The following EMSY variants were observed in gnomAD, a reference collection of about 807,000 sequenced individuals.
EMSY encodes EMSY transcriptional repressor, BRCA2 interacting.
EMSY carries 26 observed loss-of-function variants against 134.6 expected under a neutral mutation model. That is an observed-to-expected ratio of 0.19 (90% CI 0.14 to 0.27). The LOEUF (loss-of-function observed/expected upper bound fraction) is 0.27, where lower values mean the gene tolerates loss of function less well. Among genes scored for constraint, EMSY ranks in the 10% least tolerant of loss-of-function variants. EMSY has a pLI of 1.00. For missense variants in EMSY, 1,305 were observed against 1,611.4 expected (o/e 0.81, Z 3.26); for synonymous variants, 579 against 577.8 (o/e 1.00, Z -0.03).
chr11:76,489,999 T>A (rs1949355558), intron 8 of EMSY, among the ~76,000 whole-genome samples: 1 of 152,194 alleles, frequency 6.6e-6, no homozygotes, highest in South Asian at 2.1e-4. Context: ...TAGTTAGGTC[T>A]TTTCTCTCAG....
At chr11:76,528,143 C>T (rs1950909309) in intron 13 of EMSY, 125 bp from the exon 15 acceptor site, 1 of 785,314 alleles carries the variant, frequency 1.3e-6, no homozygotes, top group Admixed American at 2.8e-5. Context: ...CAATGCTGTG[C>T]CTAAAAAGTA....
intron 7 of EMSY, among the ~76,000 whole-genome samples, chr11:76,466,839 ATCTGTTCAC>A (rs1025233517): frequency 3.9e-5 from 6 of 152,206 alleles, no homozygotes; most frequent in Admixed American, 1.3e-4. Context: ...GTCTTTCTAA[ATCTGTTCAC>A]TCATTTATGA....
exon 1 of EMSY, chr11:76,445,079 C>T (rs1158110933): frequency 6.5e-6 from 1 of 153,052 alleles, no homozygotes; most frequent in Non-Finnish European, 1.5e-5. Flanking sequence ...CCTGGTGTCC[C>T]CTAGTCTTGG....
chr11:76,463,307 A>G (rs1948203345), intron 6 of EMSY, among the ~76,000 whole-genome samples: 7 of 149,914 alleles, frequency 4.7e-5, no homozygotes, highest in Admixed American at 4.6e-4. Context: ...TGGGCGACAG[A>G]GTGAGACTTT....
intron 9 of EMSY, among the ~76,000 whole-genome samples, chr11:76,510,765 T>C (rs1210334300): frequency 2.0e-5 from 3 of 152,112 alleles, no homozygotes; most frequent in African/African-American, 7.2e-5. Flanking sequence ...TAATCTGAAG[T>C]CTGGTTTCTC....
intron 8 of EMSY, among the ~76,000 whole-genome samples, chr11:76,482,829 C>A (rs1050504468): frequency 3.9e-5 from 6 of 152,210 alleles, no homozygotes; most frequent in Non-Finnish European, 7.3e-5. Context: ...AAACACTCTT[C>A]AGCATATTAT....
rs2508740 is a variant in EMSY at position 76,516,138 on chromosome 11, G to A, written c.1514-4G>A. ...TTTTTCTTTTGGCTTTTCCCTTTCT[G>A]TAGGCACACAAGCAACCTATACCCG... On this transcript the variant is annotated splice_polypyrimidine_tract_variant and splice_region_variant and intron_variant, in intron 10 of 20. Transcript: ENST00000334736. 0.62 allele frequency: 993,858 copies of A among 1,605,772 alleles called. 312,285 individuals are homozygous for A. The highest frequency in any genetic ancestry group is 0.81 in the East Asian group (36,475 of 44,762).
At chr11:76,506,999 A>G (rs1202391501) in intron 9 of EMSY, among the ~76,000 whole-genome samples, 1 of 152,258 alleles carries the variant, frequency 6.6e-6, no homozygotes, top group Non-Finnish European at 1.5e-5. Flanking sequence ...TTACAGGTTC[A>G]GTTCCAGACC....
intron 9 of EMSY, among the ~76,000 whole-genome samples, chr11:76,510,255 G>A (rs1223796596): frequency 2.0e-5 from 3 of 152,112 alleles, no homozygotes; most frequent in African/African-American, 7.2e-5. Context: ...CTGAAGGTTG[G>A]GGCAAGAGGA....
intron 8 of EMSY, among the ~76,000 whole-genome samples, chr11:76,481,968 A>G (rs991115588): frequency 6.6e-6 from 1 of 152,168 alleles, no homozygotes. Context: ...ACCTCCCAGT[A>G]GGGGTTGATA....
intron 4 of EMSY, among the ~76,000 whole-genome samples, chr11:76,454,456 A>T (rs1947792421): frequency 6.6e-6 from 1 of 152,086 alleles, no homozygotes; most frequent in Non-Finnish European, 1.5e-5. Context: ...AAACACTCAG[A>T]TATTAGTCAA....
chr11:76,458,227 G>A (rs756018973), exon 5 of EMSY: 14 of 1,614,014 alleles, frequency 8.7e-6, no homozygotes, highest in Non-Finnish European at 1.0e-5. Flanking sequence ...ATTGAAGGTC[G>A]TCGATTGGTA....
intron 20 of EMSY, among the ~76,000 whole-genome samples, chr11:76,546,519 C>A (rs11607874): frequency 0.033 from 5,083 of 152,166 alleles, 102 homozygotes; most frequent in Admixed American, 0.049. Flanking sequence ...GACATTGTCA[C>A]CCAGCACACT....
intron 20 of EMSY, 127 bp from the exon 22 acceptor site, chr11:76,549,825 C>A: frequency 1.3e-6 from 1 of 746,472 alleles, no homozygotes. Flanking sequence ...CAGTGCCTGG[C>A]ATGTAGTAGT....
chr11:76,484,223 C>T (rs981402402), intron 8 of EMSY, among the ~76,000 whole-genome samples: 2 of 152,124 alleles, frequency 1.3e-5, no homozygotes, highest in Non-Finnish European at 2.9e-5. Flanking sequence ...CACAATGTAC[C>T]AGAATCTCTG....
chr11:76,464,296 A>G (rs1948261423), intron 7 of EMSY, among the ~76,000 whole-genome samples: 2 of 152,354 alleles, frequency 1.3e-5, no homozygotes, highest in African/African-American at 2.4e-5. Flanking sequence ...TGACTTGCAT[A>G]ATATGACACA....
At chr11:76,536,150 T>C in intron 15 of EMSY, 91 bp downstream of exon 16, 1 of 775,856 alleles carries the variant, frequency 1.3e-6, no homozygotes, top group Non-Finnish European at 1.7e-6. Context: ...TTATTATTAC[T>C]ATTATTTATT....
At chr11:76,496,545 A>G (rs569006993) in intron 9 of EMSY, 76 bp downstream of exon 10, 1 of 1,486,132 alleles carries the variant, frequency 6.7e-7, no homozygotes, top group African/African-American at 1.4e-5. Flanking sequence ...GTCCATGAAC[A>G]CGGTATGTCT....
intron 11 of EMSY, among the ~76,000 whole-genome samples, chr11:76,519,228 C>T (rs572189413): frequency 6.6e-6 from 1 of 152,094 alleles, no homozygotes; most frequent in South Asian, 2.1e-4. Context: ...CCACGCTCGG[C>T]TAATTTTTGT....
Sources: gnomAD v4.1 joint callset for allele counts (sites outside exome capture counted in the v4.1 genomes callset) on GRCh38, gnomAD v4.1.1 for gene constraint, MANE v1.5 for transcripts, NCBI Gene and HGNC (gene_info 2026-07-23, HGNC 2026-07-21) for gene names.